Variants in GRIK1 observed in about 807,000 individuals in gnomAD.
GRIK1 encodes the protein glutamate ionotropic receptor kainate type subunit 1.
Under a neutral mutation model 105.7 loss-of-function variants are expected in GRIK1, and 69 were observed. The ratio of observed to expected loss-of-function variants is 0.65; its 90% CI spans 0.54 to 0.80. The LOEUF (loss-of-function observed/expected upper bound fraction) is 0.80, where lower values mean the gene tolerates loss of function less well. GRIK1 is among the 30% of genes least tolerant of loss of function. The pLI is 0.00. For missense variants in GRIK1, 1,109 were observed against 1,167.3 expected (o/e 0.95, Z 0.73); for synonymous variants, 438 against 431.3 (o/e 1.02, Z -0.19).
At chr21:29,797,141 A>T (rs1451637757) in intron 1 of GRIK1, among the ~76,000 whole-genome samples, 1 of 152,208 alleles carries the variant, frequency 6.6e-6, no homozygotes, top group Non-Finnish European at 1.5e-5. Flanking sequence ...CTGCAAAAAA[A>T]AGAGGAATGA....
chr21:29,838,431 G>A (rs1018474126), intron 1 of GRIK1, among the ~76,000 whole-genome samples: 1 of 152,112 alleles, frequency 6.6e-6, no homozygotes. Context: ...AACTCAAAAG[G>A]TGAAACAGTT....
At chr21:29,857,494 T>A (rs1353526473) in intron 1 of GRIK1, among the ~76,000 whole-genome samples, 1 of 152,218 alleles carries the variant, frequency 6.6e-6, no homozygotes. Flanking sequence ...TAGATCTGTC[T>A]GGGAAATAAC....
chr21:29,929,232 C>T (rs566476059), intron 1 of GRIK1, among the ~76,000 whole-genome samples: 19 of 152,264 alleles, frequency 1.2e-4, no homozygotes, highest in African/African-American at 3.6e-4. Flanking sequence ...TAAGAACCAC[C>T]GGAAGTGGAA....
chr21:29,709,803 C>T (rs950653654), intron 1 of GRIK1, among the ~76,000 whole-genome samples: 3 of 151,700 alleles, frequency 2.0e-5, no homozygotes, highest in Non-Finnish European at 2.9e-5. Context: ...TGTCTATTTA[C>T]ATTGGCTCAC....
chr21:29,580,295 T>A (rs912091003), intron 13 of GRIK1, among the ~76,000 whole-genome samples: 3 of 151,618 alleles, frequency 2.0e-5, no homozygotes, highest in African/African-American at 7.3e-5. Context: ...GGTAAAGTAG[T>A]ATATGGGGTT....
At chr21:29,554,295 T>C (rs539002672) in intron 16 of GRIK1, among the ~76,000 whole-genome samples, 1 of 152,304 alleles carries the variant, frequency 6.6e-6, no homozygotes, top group East Asian at 1.9e-4. Flanking sequence ...ATGATGACCA[T>C]AAACTTTATA....
chr21:29,691,641 C>T lies in GRIK1; in HGVS notation c.287-1656G>A, dbSNP rs1308477536. Among the ~76,000 whole-genome samples, 7 of 152,250 alleles carry T rather than the reference C, an allele frequency of 4.6e-5. No homozygotes were observed. The East Asian group carries it at 1.3e-3, about 29-fold the overall frequency. ...ACACTTTCAAATTTATATTTTAATT[C>T]TGCAAATTTAGAACGGTCATCAGAT... On this transcript the variant is annotated intron_variant, in intron 2 of 17. Coordinates refer to ENST00000327783, the MANE Select transcript of GRIK1 (RefSeq NM_001330994.2).
rs2066467404 is a variant in GRIK1, at chr21:29,793,068, C to A, written c.119-99005G>T. Reference sequence around the variant, plus strand: ...TCTGATCCTCTCCCTCATACGCAGGCTGTGAATGAAAGCTGGTTCATGTAA... The same window carrying A: ...TCTGATCCTCTCCCTCATACGCAGGATGTGAATGAAAGCTGGTTCATGTAA... On this transcript the variant is annotated intron_variant, in intron 1 of 17. Transcript: ENST00000327783. Among the ~76,000 whole-genome samples the A allele has an allele frequency of 2.0e-5, 3 of 152,114 alleles. No individual in the cohort carries two copies. The East Asian group carries it at 5.8e-4, about 29-fold the overall frequency.
chr21:29,803,909 T>C (rs1210099667), intron 1 of GRIK1, among the ~76,000 whole-genome samples: 1 of 152,022 alleles, frequency 6.6e-6, no homozygotes, highest in African/African-American at 2.4e-5. Context: ...TTGGGGTCTG[T>C]AAGGAAGAGA....
At chr21:29,541,575 CTTTT>C (rs34910439) in intron 16 of GRIK1, among the ~76,000 whole-genome samples, 1,012 of 95,976 alleles carry the variant, frequency 0.011, 21 homozygotes, top group African/African-American at 0.038. Flanking sequence ...CACTCACGGT[CTTTT>C]TTTTTTTTTT....
At chr21:29,835,574 T>G (rs2067774282) in intron 1 of GRIK1, among the ~76,000 whole-genome samples, 2 of 152,184 alleles carry the variant, frequency 1.3e-5, no homozygotes, top group African/African-American at 2.4e-5. Context: ...TCCAAACAAC[T>G]GATCATTTGT....
chr21:29,601,847 G>A (rs2061524724), intron 7 of GRIK1, among the ~76,000 whole-genome samples: 1 of 152,204 alleles, frequency 6.6e-6, no homozygotes, highest in African/African-American at 2.4e-5. Flanking sequence ...TTACTAAATT[G>A]TGTTCTCTTT....
intron 1 of GRIK1, among the ~76,000 whole-genome samples, chr21:29,831,078 T>C (rs2067623027): frequency 6.6e-6 from 1 of 152,166 alleles, no homozygotes. Flanking sequence ...TAGCATTCTA[T>C]TACTACCATT....
At chr21:29,861,309 C>CT (rs71191129) in intron 1 of GRIK1, among the ~76,000 whole-genome samples, 134,065 of 150,678 alleles carry the variant, frequency 0.89, 60,172 homozygotes, top group Non-Finnish European at 0.95. Context: ...TGTACTTACT[C>CT]TTTTTTTTTC....
At chr21:29,792,480 G>A (rs528686426) in intron 1 of GRIK1, among the ~76,000 whole-genome samples, 24 of 152,272 alleles carry the variant, frequency 1.6e-4, no homozygotes, top group African/African-American at 5.5e-4. Context: ...TTCCTGAAAG[G>A]CACAGACTTC....
At chr21:29,687,960 C>A (rs363539) in intron 3 of GRIK1, among the ~76,000 whole-genome samples, 30,579 of 152,076 alleles carry the variant, frequency 0.2, 5,992 homozygotes, top group African/African-American at 0.49. Flanking sequence ...ACATAATGAG[C>A]TATAGCTTGA....
At chr21:29,560,387 TCC>T (rs1568813951) in intron 15 of GRIK1, among the ~76,000 whole-genome samples, 898 of 84,112 alleles carry the variant, frequency 0.011, 122 homozygotes, top group Admixed American at 0.025. Flanking sequence ...CTTCCTTCCT[TCC>T]TTCCTTCCTT....
chr21:29,656,386 A>AG (rs2062853303), intron 4 of GRIK1, among the ~76,000 whole-genome samples: 1 of 143,854 alleles, frequency 7.0e-6, no homozygotes, highest in East Asian at 2.0e-4. Flanking sequence ...AAAAAAAAAA[A>AG]AAAGAAATGA....
At chr21:29,575,367 A>G (rs1185331998) in intron 14 of GRIK1, among the ~76,000 whole-genome samples, 1 of 152,120 alleles carries the variant, frequency 6.6e-6, no homozygotes, top group African/African-American at 2.4e-5. Flanking sequence ...AATTGGTACA[A>G]CGTATGTTAT....
Sources: allele counts gnomAD v4.1 joint callset (sites outside exome capture counted in the v4.1 genomes callset), GRCh38; gene constraint gnomAD v4.1.1; transcripts MANE v1.5; gene names NCBI Gene and HGNC (gene_info 2026-07-23, HGNC 2026-07-21).